CDH26: variants seen among roughly 807,000 people sequenced by gnomAD.
CDH26 encodes cadherin-like protein 26.
Under a neutral mutation model 90.3 loss-of-function variants are expected in CDH26, and 83 were observed. That is an observed-to-expected ratio of 0.92 (90% CI 0.77 to 1.10). The LOEUF (loss-of-function observed/expected upper bound fraction) is 1.10. Ranked by LOEUF, CDH26 falls within the 50% of genes least tolerant of loss-of-function variation. The probability of loss-of-function intolerance (pLI) is 0.00; values close to 1 mark genes in which losing one functional copy is unlikely to be tolerated. For synonymous variants in CDH26, 397 were observed against 396.3 expected (o/e 1.00, Z -0.02); for missense variants, 1,013 against 1,037.6 (o/e 0.98, Z 0.33).
chr20:59,997,945 C>T (rs909677017), intron 13 of CDH26, among the ~76,000 whole-genome samples: 3 of 152,258 alleles, frequency 2.0e-5, no homozygotes, highest in African/African-American at 7.2e-5. Context: ...GGAGCAGCCA[C>T]TTAGGCTCCT....
exon 9 of CDH26, chr20:60,033,564 T>G (rs1487750102): frequency 1.4e-5 from 18 of 1,304,284 alleles, no homozygotes; most frequent in Admixed American, 1.4e-4. Context: ...CAAGGTGGGG[T>G]TCGAGTCCAG....
intron 6 of CDH26, 66 bp downstream of exon 6, chr20:59,984,871 A>G: frequency 6.4e-7 from 1 of 1,568,258 alleles, no homozygotes; most frequent in Non-Finnish European, 8.7e-7. Flanking sequence ...CCAGGCTTAG[A>G]TTCTACATTT....
chr20:60,002,249 G>A (rs752490657), intron 15 of CDH26, among the ~76,000 whole-genome samples: 4 of 151,980 alleles, frequency 2.6e-5, no homozygotes, highest in African/African-American at 4.8e-5. Flanking sequence ...TTTGCACAAA[G>A]ATGATGCCAC....
chr20:59,964,056 A>G (rs1381697478), intron 1 of CDH26, among the ~76,000 whole-genome samples: 1 of 152,198 alleles, frequency 6.6e-6, no homozygotes, highest in East Asian at 1.9e-4. Context: ...AAAGACATAA[A>G]CCTGCAGAAC....
chr20:59,999,793 C>T (rs2061651454), intron 14 of CDH26, 130 bp downstream of exon 14: 3 of 738,808 alleles, frequency 4.1e-6, no homozygotes, highest in Admixed American at 2.5e-5. Context: ...TCAGCAACCC[C>T]AGCCCCTACT....
chr20:60,032,922 G>A (rs1215501280), intron 8 of CDH26, among the ~76,000 whole-genome samples: 3 of 151,338 alleles, frequency 2.0e-5, no homozygotes, highest in East Asian at 1.9e-4. Flanking sequence ...TGGGTGCAGC[G>A]CACCAGCATG....
At chr20:60,005,419 C>G (rs957021546) in intron 16 of CDH26, among the ~76,000 whole-genome samples, 3 of 151,978 alleles carry the variant, frequency 2.0e-5, no homozygotes, top group African/African-American at 7.3e-5. Context: ...TGTACAGAGG[C>G]ATGAGTATGC....
In CDH26 at chr20:59,987,357, T is replaced by G. The variant is rs1269632820; in HGVS notation, c.838-96T>G. 14 of 989,300 alleles carry G rather than the reference T, an allele frequency of 1.4e-5. No individual in the cohort carries two copies. In the South Asian group the frequency reaches 1.9e-4, roughly 13 times the overall value. The allele number at this position is 989,300 out of a possible 1,614,324, so 61.3% of individuals were successfully genotyped here. On this transcript the variant is annotated intron_variant, in intron 7 of 17. Coordinates refer to ENST00000348616, the MANE Select transcript of CDH26 (RefSeq NM_177980.4). The stretch of plus-strand genomic sequence containing the variant: ...CAACATTCTTTCTCCTTCTCTCTCT[T>G]GCTCTCTCTCTGCTTCTCTCCCTCC...
intron 16 of CDH26, among the ~76,000 whole-genome samples, chr20:60,005,877 A>G (rs552771589): frequency 6.6e-6 from 1 of 150,484 alleles, no homozygotes; most frequent in South Asian, 2.1e-4. Flanking sequence ...GCCTCCCCCC[A>G]CCTCCCTAAC....
rs751695157 is a variant in CDH26, at chr20:59,987,501, C to T, written c.886C>T (p.Leu296Phe). ...CCGAGCCAGCCAGGGCGTGTTGCGTCTCCTGGTTCAAGATCGAGATTCTCC... is the reference window on the plus strand; with the variant it reads ...CCGAGCCAGCCAGGGCGTGTTGCGTTTCCTGGTTCAAGATCGAGATTCTCC... ...EGRASQGVLR[L>F]LVQDRDSPFT... Residue 296 changes from leucine to phenylalanine, a missense_variant, in exon 8 of 18, where the codon CTC becomes TTC. Physicochemically the swap from Leu to Phe is conservative, Grantham distance 22. Transcript: ENST00000348616. The T allele has an allele frequency of 7.4e-6, 12 of 1,613,828 alleles. No homozygotes were observed. The highest frequency in any genetic ancestry group is 1.0e-5 in the Non-Finnish European group (12 of 1,179,900).
chr20:59,990,039 C>T (rs560686400), intron 9 of CDH26, among the ~76,000 whole-genome samples: 14 of 152,302 alleles, frequency 9.2e-5, no homozygotes, highest in Non-Finnish European at 1.6e-4. Flanking sequence ...TTCTCCAGCT[C>T]CTGGCCTCCA....
At chr20:59,967,217 A>C (rs533341960) in intron 1 of CDH26, among the ~76,000 whole-genome samples, 2 of 152,196 alleles carry the variant, frequency 1.3e-5, no homozygotes, top group African/African-American at 4.8e-5. Flanking sequence ...AGGAAGTTTC[A>C]ATTTTATCTG....
At chr20:59,966,231 TAAAAAA>T (rs60088029) in intron 1 of CDH26, among the ~76,000 whole-genome samples, 2 of 76,266 alleles carry the variant, frequency 2.6e-5, no homozygotes, top group Non-Finnish European at 4.9e-5. Flanking sequence ...GGTGTTGCAT[TAAAAAA>T]AAAAAAAAAA....
intron 17 of CDH26, among the ~76,000 whole-genome samples, chr20:60,008,161 T>C (rs2061779722): frequency 6.6e-6 from 1 of 152,184 alleles, no homozygotes; most frequent in Non-Finnish European, 1.5e-5. Context: ...TATGGAATGA[T>C]AAGCACAAAG....
intron 1 of CDH26, among the ~76,000 whole-genome samples, chr20:59,964,201 A>G (rs1250754083): frequency 2.0e-5 from 3 of 152,226 alleles, no homozygotes; most frequent in Non-Finnish European, 2.9e-5. Flanking sequence ...GCTCTTTAGT[A>G]TCCTGTATAG....
chr20:59,961,621 T>C (rs1484822786), intron 1 of CDH26, among the ~76,000 whole-genome samples: 2 of 152,182 alleles, frequency 1.3e-5, no homozygotes, highest in Admixed American at 6.5e-5. Flanking sequence ...TACAAGCTGA[T>C]ACCATTTCTG....
chr20:60,018,165 A>G (rs2061921159), downstream of CDH26, among the ~76,000 whole-genome samples: 1 of 152,004 alleles, frequency 6.6e-6, no homozygotes, highest in Non-Finnish European at 1.5e-5. Context: ...TGTTGATTTT[A>G]TATCTAAATA....
chr20:60,010,311 T>C (rs953922932), intron 17 of CDH26, among the ~76,000 whole-genome samples: 2 of 152,144 alleles, frequency 1.3e-5, no homozygotes, highest in Admixed American at 6.5e-5. Context: ...CACCTTGGGC[T>C]TGAGCCCCAG....
intron 17 of CDH26, among the ~76,000 whole-genome samples, chr20:60,008,100 A>G (rs967753155): frequency 2.6e-5 from 4 of 152,150 alleles, no homozygotes; most frequent in Non-Finnish European, 5.9e-5. Context: ...TGCCCAGGCC[A>G]TTCTGACTCT....
Sources: gnomAD v4.1 joint callset for allele counts (sites outside exome capture counted in the v4.1 genomes callset) on GRCh38, gnomAD v4.1.1 for gene constraint, MANE v1.5 for transcripts, NCBI Gene and HGNC (gene_info 2026-07-23, HGNC 2026-07-21) for gene names.